Variants in MALT1 observed in about 807,000 individuals in gnomAD.
The protein encoded by MALT1 is mucosa-associated lymphoid tissue lymphoma translocation protein 1.
A neutral mutation model predicts 85.5 loss-of-function variants in MALT1; 36 were observed. That is an observed-to-expected ratio of 0.42 (90% CI 0.32 to 0.56). The LOEUF (loss-of-function observed/expected upper bound fraction) is 0.56, where lower values mean the gene tolerates loss of function less well. MALT1 is among the 20% of genes least tolerant of loss of function. MALT1 has a pLI of 0.10. For synonymous variants in MALT1, 359 were observed against 361.3 expected, an observed-to-expected ratio of 0.99 and a Z score of 0.07; for missense variants, 716 against 981.6, an observed-to-expected ratio of 0.73 and a Z score of 3.62.
At chr18:58,684,087 C>T (rs561460050) in intron 2 of MALT1, among the ~76,000 whole-genome samples, 9 of 152,150 alleles carry the variant, frequency 5.9e-5, no homozygotes, top group Non-Finnish European at 1.2e-4. Flanking sequence ...CACGCACCAC[C>T]ATACCCAGCT....
At position 58,751,848 on chromosome 18, in the gene MALT1, C is replaced by A. The variant is rs1448014424; in HGVS notation, c.*4006C>A. On this transcript the variant is annotated 3_prime_UTR_variant, in exon 17 of 17. Transcript: ENST00000649217. ...GTCACAATTATAAATTGTATATTTCCTAATAAAAGAAATCTCAACTCATGG... is the reference window on the plus strand; with the variant it reads ...GTCACAATTATAAATTGTATATTTCATAATAAAAGAAATCTCAACTCATGG... 1 of 152,084 alleles carries A rather than the reference C, an allele frequency of 6.6e-6. No individual in the cohort carries two copies. Among genetic ancestry groups the A allele is most frequent in the Non-Finnish European group, 1.5e-5 (1 of 68,016 alleles). The allele number at this position is 152,084 out of a possible 1,614,324, so 9.4% of individuals were successfully genotyped here. A position where few individuals can be genotyped will look rare whatever the true frequency, so the allele number is the denominator to read the frequency against.
At chr18:58,703,491 TCA>T (rs1248630584) in intron 4 of MALT1, among the ~76,000 whole-genome samples, 1 of 152,210 alleles carries the variant, frequency 6.6e-6, no homozygotes, top group Non-Finnish European at 1.5e-5. Context: ...TTTAATTGAC[TCA>T]CAGTTCTGCA....
intron 10 of MALT1, 58 bp downstream of exon 10, chr18:58,723,309 G>T (rs2055009850): frequency 2.2e-6 from 3 of 1,342,970 alleles, no homozygotes; most frequent in East Asian, 4.7e-5. Context: ...CATTATACAA[G>T]TTAGGTTAAG....
chr18:58,709,830 AC>A, intron 5 of MALT1, 145 bp from the exon 6 acceptor site: 1 of 620,240 alleles, frequency 1.6e-6, no homozygotes, highest in Non-Finnish European at 2.8e-6. Context: ...CTGGTATTTA[AC>A]CTGATGAATG....
intron 10 of MALT1, among the ~76,000 whole-genome samples, chr18:58,732,373 CAGTA>C (rs35392936): frequency 0.12 from 18,986 of 151,974 alleles, 2,084 homozygotes; most frequent in African/African-American, 0.29. Flanking sequence ...TATCACTTCT[CAGTA>C]AGGAAATATG....
At chr18:58,675,668 G>C (rs537983658) in intron 1 of MALT1, among the ~76,000 whole-genome samples, 2 of 152,208 alleles carry the variant, frequency 1.3e-5, no homozygotes, top group African/African-American at 4.8e-5. Context: ...CAGCATGGTC[G>C]ACAGAGAAGA....
chr18:58,721,811 G>A (rs1382597544), intron 9 of MALT1, among the ~76,000 whole-genome samples: 1 of 152,208 alleles, frequency 6.6e-6, no homozygotes, highest in Non-Finnish European at 1.5e-5. Context: ...CTTCATAAGA[G>A]TAGTATTCAT....
chr18:58,747,397 C>A lies in MALT1; in HGVS notation c.2038-8C>A. 1 of 1,578,926 alleles carries A rather than the reference C, an allele frequency of 6.3e-7. No homozygotes were observed. The highest frequency in any genetic ancestry group is 8.6e-7 in the Non-Finnish European group (1 of 1,160,196). On this transcript the variant is annotated splice_region_variant and splice_polypyrimidine_tract_variant and intron_variant, in intron 16 of 16. Transcript: ENST00000649217. ...GCCAATAATAAACCAGATTTTTTTC[C>A]TTTTCAGGAACATCTAGTCTTCACA...
At chr18:58,722,667 G>A (rs2055000932) in intron 9 of MALT1, among the ~76,000 whole-genome samples, 1 of 152,116 alleles carries the variant, frequency 6.6e-6, no homozygotes, top group Non-Finnish European at 1.5e-5. Context: ...AATTTGATGG[G>A]AACCCAATTT....
At chr18:58,688,299 T>TACACACACACACACACAC (rs34923643) in intron 2 of MALT1, among the ~76,000 whole-genome samples, 5 of 139,562 alleles carry the variant, frequency 3.6e-5, no homozygotes, top group African/African-American at 1.3e-4. Flanking sequence ...ATATATATGT[T>TACACACACACACACACAC]ACACACACAC....
At position 58,710,967 on chromosome 18, in the gene MALT1, T is replaced by A; in HGVS notation, c.958+14T>A. 6.4e-7 allele frequency: 1 copy of A among 1,564,006 alleles called. No individual in the cohort carries two copies. ...AGTGCACTGAAGGTAGTGTAAGTCTTTGGTTTGAAACCAAATCTCCTGCAT... is the reference window on the plus strand; with the variant it reads ...AGTGCACTGAAGGTAGTGTAAGTCTATGGTTTGAAACCAAATCTCCTGCAT... On this transcript the variant is annotated intron_variant, in intron 7 of 16. Coordinates refer to ENST00000649217, the MANE Select transcript of MALT1 (RefSeq NM_006785.4).
intron 3 of MALT1, among the ~76,000 whole-genome samples, chr18:58,699,348 T>C (rs551422777): frequency 1.3e-5 from 2 of 152,246 alleles, no homozygotes; most frequent in African/African-American, 4.8e-5. Flanking sequence ...CTTAGGACGA[T>C]ATAGTAGGAT....
chr18:58,730,173 A>G lies in MALT1; in HGVS notation c.1223-3224A>G, dbSNP rs534312020. ...TATTTTGAATACTTGATGGAGGTGT[A>G]TAAGTTGTACCCTTTTTAAAGTGTA... On this transcript the variant is annotated intron_variant, in intron 10 of 16. Transcript: ENST00000649217. Among the ~76,000 whole-genome samples, 10 of 152,362 alleles carry G rather than the reference A, an allele frequency of 6.6e-5. No individual in the cohort carries two copies. In the South Asian group the frequency reaches 1.9e-3, roughly 28 times the overall value.
intron 10 of MALT1, among the ~76,000 whole-genome samples, chr18:58,729,056 G>A (rs1425412051): frequency 3.3e-5 from 5 of 152,174 alleles, no homozygotes; most frequent in Non-Finnish European, 1.5e-5. Flanking sequence ...GTCTTGATTG[G>A]TTTGCATTGT....
At chr18:58,685,343 C>T (rs1440631622) in intron 2 of MALT1, among the ~76,000 whole-genome samples, 3 of 152,094 alleles carry the variant, frequency 2.0e-5, no homozygotes, top group Non-Finnish European at 2.9e-5. Context: ...TTTGATTAAA[C>T]GAGAAACTAT....
Position 58,740,542 on chromosome 18 carries a change from A to AGG in MALT1, c.1604-1323_1604-1322insGG, listed in dbSNP as rs1477557776. Reference sequence around the variant, plus strand: ...TTTGACCTTTAAGTTATATAATATTATCTTTAATTTTCAAATATGGCAGGA... The same window carrying AGG: ...TTTGACCTTTAAGTTATATAATATTAGGTCTTTAATTTTCAAATATGGCAGGA... On this transcript the variant is annotated intron_variant, in intron 13 of 16. Coordinates refer to ENST00000649217, the MANE Select transcript of MALT1 (RefSeq NM_006785.4). Among the ~76,000 whole-genome samples, 164 of 151,600 alleles carry AGG rather than the reference A, an allele frequency of 1.1e-3. 3 individuals are homozygous for AGG. In the South Asian group the frequency reaches 0.032, roughly 30 times the overall value.
Position 58,748,405 on chromosome 18 carries a change from TAC to T in MALT1, c.*565_*566del, listed in dbSNP as rs1280367015. The stretch of plus-strand genomic sequence containing the variant: ...TTATATATATATAAATATATACAGA[TAC>T]ATATCTGTGTATTATCTCAAGGAAT... On this transcript the variant is annotated 3_prime_UTR_variant, in exon 17 of 17. Transcript: ENST00000649217. 4 of 179,088 alleles carry T rather than the reference TAC, an allele frequency of 2.2e-5. No homozygotes were observed. The highest frequency in any genetic ancestry group is 4.8e-5 in the Non-Finnish European group (4 of 83,444). The allele number at this position is 179,088 out of a possible 1,614,324, so 11.1% of individuals were successfully genotyped here.
chr18:58,710,979 C>T (rs1248428740), intron 7 of MALT1, 26 bp downstream of exon 7: 1 of 1,534,812 alleles, frequency 6.5e-7, no homozygotes, highest in East Asian at 2.5e-5. Flanking sequence ...GGTTTGAAAC[C>T]AAATCTCCTG....
At chr18:58,740,475 T>A (rs1602341086) in intron 13 of MALT1, among the ~76,000 whole-genome samples, 2 of 151,874 alleles carry the variant, frequency 1.3e-5, no homozygotes, top group African/African-American at 4.8e-5. Flanking sequence ...TCATCACACA[T>A]CCTATAAGTT....
Sources: gnomAD v4.1 joint callset for allele counts (sites outside exome capture counted in the v4.1 genomes callset) on GRCh38, gnomAD v4.1.1 for gene constraint, MANE v1.5 for transcripts, NCBI Gene and HGNC (gene_info 2026-07-23, HGNC 2026-07-21) for gene names.